The following ZNF804B variants were observed in gnomAD, a reference collection of about 807,000 sequenced individuals.
ZNF804B encodes zinc finger 804B.
In ZNF804B, 80 loss-of-function variants were observed where a neutral mutation model predicts 101.4. The ratio of observed to expected loss-of-function variants is 0.79; its 90% CI spans 0.66 to 0.95. The LOEUF is 0.95. ZNF804B is among the 40% of genes least tolerant of loss of function. The pLI, the probability that ZNF804B is intolerant of heterozygous loss-of-function variation, is 0.00. For missense variants in ZNF804B, 1,673 were observed against 1,561.9 expected (o/e 1.07, Z -1.20); for synonymous variants, 622 against 558.8 (o/e 1.11, Z -1.59).
intron 2 of ZNF804B, among the ~76,000 whole-genome samples, chr7:89,229,018 C>T (rs1289573575): frequency 1.3e-5 from 2 of 152,166 alleles, no homozygotes; most frequent in South Asian, 2.1e-4. Context: ...CCGGCTGCTC[C>T]GAGTGTGGGG....
intron 1 of ZNF804B, among the ~76,000 whole-genome samples, chr7:88,851,320 C>T (rs1791447750): frequency 6.6e-6 from 1 of 151,972 alleles, no homozygotes; most frequent in Non-Finnish European, 1.5e-5. Context: ...TAAAAAAGCA[C>T]ACCAAAGCAC....
chr7:89,336,788 A>G lies in ZNF804B; in HGVS notation c.3806A>G (p.His1269Arg). The G allele has an allele frequency of 4.3e-6, 7 of 1,614,010 alleles. No individual in the cohort carries two copies. Among genetic ancestry groups the G allele is most frequent in the Non-Finnish European group, 5.9e-6 (7 of 1,179,998 alleles). The change falls in exon 4 of 4, where the codon CAT becomes CGT. Residue 1269 changes from histidine (H) to arginine (R), a missense_variant. Physicochemically the swap from His to Arg is conservative, Grantham distance 29 (BLOSUM62 0). Transcript: ENST00000333190. The stretch of plus-strand genomic sequence containing the variant: ...ACTTTCTTAGCAGGTCATCCCCTGC[A>G]TTTAGTAGCTGCTACCCCCTTCCAC... ...HPTFLAGHPL[H>R]LVAATPFHPS...
At chr7:88,843,131 A>G (rs1442199273) in intron 1 of ZNF804B, among the ~76,000 whole-genome samples, 1 of 152,180 alleles carries the variant, frequency 6.6e-6, no homozygotes, top group African/African-American at 2.4e-5. Context: ...CTTTTGGAAA[A>G]TACTCTAGTA....
At chr7:89,088,005 AATTT>A (rs906826951) in intron 1 of ZNF804B, among the ~76,000 whole-genome samples, 12 of 148,984 alleles carry the variant, frequency 8.1e-5, no homozygotes, top group African/African-American at 3.0e-4. Context: ...TATATATATT[AATTT>A]ATTTCGTTTC....
intron 2 of ZNF804B, among the ~76,000 whole-genome samples, chr7:89,219,901 G>GTGTGCATATATATGTATATACATATA (rs1788957973): frequency 1.5e-4 from 3 of 20,184 alleles, no homozygotes; most frequent in African/African-American, 4.4e-4. Flanking sequence ...ATGTATATAT[G>GTGTGCATATATATGTATATACATATA]TGTGTGCATA....
rs1286249078 is a variant in ZNF804B, at chr7:89,335,004, T to A, written c.2022T>A (p.Ser674Arg). 4 of 1,613,738 alleles carry A rather than the reference T, an allele frequency of 2.5e-6. No homozygotes were observed. In the East Asian group the frequency reaches 8.9e-5, roughly 36 times the overall value. ...GGHSDHGKDF[S>R]VILKSNHISM... ...ACAGTGACCATGGGAAAGACTTCAG[T>A]GTAATTTTGAAGAGTAACCACATCA... The change falls in exon 4 of 4, where the codon AGT (serine) becomes AGA (arginine). Residue 674 changes from serine to arginine, a missense_variant. Transcript: ENST00000333190.
chr7:89,151,019 C>T (rs1790867205), intron 1 of ZNF804B, among the ~76,000 whole-genome samples: 1 of 152,040 alleles, frequency 6.6e-6, no homozygotes, highest in African/African-American at 2.4e-5. Context: ...CTTTGTACAT[C>T]AGAACTATTA....
At chr7:88,802,142 C>T (rs1332419768) in intron 1 of ZNF804B, among the ~76,000 whole-genome samples, 2 of 152,104 alleles carry the variant, frequency 1.3e-5, no homozygotes, top group Admixed American at 6.6e-5. Flanking sequence ...GCTCCTTGTT[C>T]TGCTTCACCT....
intron 1 of ZNF804B, among the ~76,000 whole-genome samples, chr7:89,103,060 T>TGTTTGTTTG (rs1274230849): frequency 1.6e-5 from 2 of 125,714 alleles, no homozygotes; most frequent in African/African-American, 7.0e-5. Context: ...TTTTTTTTTT[T>TGTTTGTTTG]TTTTTTTTTT....
intron 2 of ZNF804B, among the ~76,000 whole-genome samples, chr7:89,248,589 T>C (rs1296920691): frequency 6.6e-6 from 1 of 151,832 alleles, no homozygotes; most frequent in Non-Finnish European, 1.5e-5. Context: ...AAGCAAGAAG[T>C]AAGGCAATTT....
chr7:89,040,970 G>C (rs1789007902), intron 1 of ZNF804B, among the ~76,000 whole-genome samples: 1 of 152,084 alleles, frequency 6.6e-6, no homozygotes, highest in Admixed American at 6.6e-5. Context: ...ACTGGGGTAG[G>C]TCTGGTTATT....
chr7:88,839,472 G>C (rs1417579502), intron 1 of ZNF804B, among the ~76,000 whole-genome samples: 1 of 151,930 alleles, frequency 6.6e-6, no homozygotes, highest in Non-Finnish European at 1.5e-5. Context: ...ATGTTGCACA[G>C]CTATTAGGTG....
chr7:88,958,953 T>G (rs1429128873), intron 1 of ZNF804B, among the ~76,000 whole-genome samples: 1 of 151,512 alleles, frequency 6.6e-6, no homozygotes, highest in Non-Finnish European at 1.5e-5. Flanking sequence ...GTGGAATCTT[T>G]GTTCCTGTAT....
chr7:88,808,487 A>G (rs1790726936), intron 1 of ZNF804B, among the ~76,000 whole-genome samples: 1 of 151,824 alleles, frequency 6.6e-6, no homozygotes, highest in South Asian at 2.1e-4. Context: ...CATCTTGTCT[A>G]GGGTAGAGGG....
At chr7:89,159,564 A>G (rs978549485) in intron 1 of ZNF804B, among the ~76,000 whole-genome samples, 4 of 152,288 alleles carry the variant, frequency 2.6e-5, no homozygotes, top group East Asian at 1.9e-4. Flanking sequence ...CAGAGTGGGC[A>G]TGTATCATAT....
intron 1 of ZNF804B, among the ~76,000 whole-genome samples, chr7:89,216,058 C>T (rs1788890093): frequency 6.6e-6 from 1 of 152,022 alleles, no homozygotes; most frequent in South Asian, 2.1e-4. Flanking sequence ...AATGCCAGTG[C>T]TTTGGGAGGC....
chr7:88,829,317 G>C (rs1791097465), intron 1 of ZNF804B, among the ~76,000 whole-genome samples: 1 of 151,928 alleles, frequency 6.6e-6, no homozygotes, highest in Non-Finnish European at 1.5e-5. Flanking sequence ...CCAGGCCATA[G>C]TTCTGGATTA....
chr7:88,934,162 G>A (rs372960737), intron 1 of ZNF804B, among the ~76,000 whole-genome samples: 2 of 151,820 alleles, frequency 1.3e-5, no homozygotes, highest in East Asian at 3.9e-4. Context: ...CATAAATTGG[G>A]GAAAGGATAA....
chr7:88,804,742 A>G (rs762757460), intron 1 of ZNF804B, among the ~76,000 whole-genome samples: 19 of 152,174 alleles, frequency 1.2e-4, no homozygotes, highest in Admixed American at 2.0e-4. Flanking sequence ...GTTATCGATA[A>G]GCTAATATCT....
Sources: allele counts gnomAD v4.1 joint callset (sites outside exome capture counted in the v4.1 genomes callset), GRCh38; gene constraint gnomAD v4.1.1; transcripts MANE v1.5; gene names NCBI Gene and HGNC (gene_info 2026-07-23, HGNC 2026-07-21).